Variants in MAGI2 observed in about 807,000 individuals in gnomAD.
MAGI2 encodes membrane-associated guanylate kinase, WW and PDZ domain-containing protein 2.
In MAGI2, 35 loss-of-function variants were observed where a neutral mutation model predicts 133.3. The ratio of observed to expected loss-of-function variants is 0.26; its 90% CI spans 0.20 to 0.35. The LOEUF is 0.35. MAGI2 is among the 10% of genes least tolerant of loss of function. The pLI is 1.00. For missense variants in MAGI2, 1,636 were observed against 1,863.4 expected, an observed-to-expected ratio of 0.88 and a Z score of 2.25; for synonymous variants, 729 against 710.6, an observed-to-expected ratio of 1.03 and a Z score of -0.41.
At chr7:78,746,979 A>G (rs1016397365) in intron 2 of MAGI2, among the ~76,000 whole-genome samples, 8 of 152,218 alleles carry the variant, frequency 5.3e-5, no homozygotes, top group African/African-American at 1.9e-4. Flanking sequence ...TTTAAAGACC[A>G]CTAATCAATT....
chr7:78,422,064 A>G (rs1197171196), intron 6 of MAGI2, among the ~76,000 whole-genome samples: 3 of 152,182 alleles, frequency 2.0e-5, no homozygotes, highest in African/African-American at 7.2e-5. Flanking sequence ...CTACACTTAC[A>G]ACTTGCCTCT....
At chr7:78,389,398 T>C (rs1562930317) in intron 6 of MAGI2, among the ~76,000 whole-genome samples, 1 of 152,168 alleles carries the variant, frequency 6.6e-6, no homozygotes, top group East Asian at 1.9e-4. Flanking sequence ...CTGTTTTCTG[T>C]CTTCTTCGTG....
At chr7:78,583,368 G>A in intron 3 of MAGI2, 2 of 189,880 alleles carry the variant, frequency 1.1e-5, no homozygotes, top group Non-Finnish European at 2.3e-5. Context: ...CGTGGTGGCG[G>A]GCGCCTGTGG....
intron 9 of MAGI2, among the ~76,000 whole-genome samples, chr7:78,274,998 A>C (rs138027766): frequency 7.7e-4 from 117 of 151,962 alleles, no homozygotes; most frequent in African/African-American, 2.6e-3. Flanking sequence ...GGTATGAAAA[A>C]AAAAACTCCT....
rs563897813 is a variant in MAGI2 at position 78,688,004 on chromosome 7, A to T, written c.419-60765T>A. 1.4e-3 allele frequency among the ~76,000 whole-genome samples: 215 copies of T among 150,332 alleles called. 1 individual carries two copies. The highest frequency in any genetic ancestry group is 5.0e-3 in the African/African-American group (204 of 41,008). On this transcript the variant is annotated intron_variant, in intron 2 of 21. Transcript: ENST00000354212. ...AAAAAAAAAAAAAAAAAAAAAAAGA[A>T]AAAAGAAAAGAAAAAAAGCAAACAG...
Position 78,767,150 on chromosome 7 carries a change from T to C in MAGI2, c.419-139911A>G, listed in dbSNP as rs934967020. ...GATTACAGGTGCGTGCCACCACACC[T>C]GGCTAATTGTTTTGTATTTTCAATA... is the stretch of plus-strand genomic sequence containing the variant. On this transcript the variant is annotated intron_variant, in intron 2 of 21. Coordinates refer to ENST00000354212, the MANE Select transcript of MAGI2 (RefSeq NM_012301.4). Among the ~76,000 whole-genome samples the C allele has an allele frequency of 4.6e-5, 7 of 151,958 alleles. No homozygotes were observed. The East Asian group carries it at 5.8e-4, about 13-fold the overall frequency.
chr7:79,255,105 A>G (rs577553525), intron 1 of MAGI2, among the ~76,000 whole-genome samples: 1 of 152,186 alleles, frequency 6.6e-6, no homozygotes, highest in African/African-American at 2.4e-5. Flanking sequence ...TATGCCTTTG[A>G]ACCTTCATTT....
At chr7:79,283,424 C>A (rs1008022355) in intron 1 of MAGI2, among the ~76,000 whole-genome samples, 3 of 152,112 alleles carry the variant, frequency 2.0e-5, no homozygotes, top group Non-Finnish European at 4.4e-5. Flanking sequence ...AACTACCTAA[C>A]AACCATTACT....
intron 9 of MAGI2, among the ~76,000 whole-genome samples, chr7:78,270,250 C>T (rs1394481649): frequency 2.6e-5 from 4 of 152,082 alleles, no homozygotes; most frequent in African/African-American, 9.7e-5. Context: ...GCTGTGAGGG[C>T]TCTTTTTTGA....
chr7:78,687,552 C>T (rs888653776), intron 2 of MAGI2, among the ~76,000 whole-genome samples: 4 of 152,108 alleles, frequency 2.6e-5, no homozygotes, highest in African/African-American at 9.7e-5. Context: ...GTACTTTGTC[C>T]AATGTGTAGC....
chr7:79,166,990 A>G (rs1034324076), intron 1 of MAGI2, among the ~76,000 whole-genome samples: 1 of 152,014 alleles, frequency 6.6e-6, no homozygotes, highest in Non-Finnish European at 1.5e-5. Flanking sequence ...AGGGGAAGGT[A>G]TACTACTCCT....
At chr7:78,413,131 T>TCCCTCACCCGTAA (rs1457692528) in intron 6 of MAGI2, among the ~76,000 whole-genome samples, 2 of 152,076 alleles carry the variant, frequency 1.3e-5, no homozygotes, top group African/African-American at 4.8e-5. Context: ...GGGTCTTAGT[T>TCCCTCACCCGTAA]CCCTCACCCG....
intron 1 of MAGI2, among the ~76,000 whole-genome samples, chr7:79,334,863 G>C (rs1285358402): frequency 6.6e-6 from 1 of 152,094 alleles, no homozygotes; most frequent in East Asian, 1.9e-4. Flanking sequence ...GATTATTCTT[G>C]AAAGCATAAT....
intron 1 of MAGI2, among the ~76,000 whole-genome samples, chr7:79,275,490 GTA>G (rs1212675328): frequency 1.7e-4 from 26 of 152,326 alleles, no homozygotes; most frequent in Middle Eastern, 3.4e-3. Context: ...GTTTAAGGAT[GTA>G]AACCATTTCA....
At chr7:78,317,836 C>T (rs932235339) in intron 9 of MAGI2, among the ~76,000 whole-genome samples, 3 of 152,158 alleles carry the variant, frequency 2.0e-5, no homozygotes, top group Admixed American at 2.0e-4. Flanking sequence ...GCTGGTGATA[C>T]CCAGGCAAAC....
At chr7:79,005,234 T>C (rs535942113) in intron 2 of MAGI2, among the ~76,000 whole-genome samples, 1 of 152,316 alleles carries the variant, frequency 6.6e-6, no homozygotes, top group Admixed American at 6.5e-5. Context: ...GTCAATAATG[T>C]TATTGGAATT....
At chr7:79,336,237 A>C (rs570793977) in intron 1 of MAGI2, among the ~76,000 whole-genome samples, 1 of 152,066 alleles carries the variant, frequency 6.6e-6, no homozygotes, top group Non-Finnish European at 1.5e-5. Flanking sequence ...AGGTGAACTG[A>C]GGTTCAGGGA....
intron 1 of MAGI2, among the ~76,000 whole-genome samples, chr7:79,436,267 A>G (rs1426417004): frequency 6.6e-6 from 1 of 151,750 alleles, no homozygotes; most frequent in Non-Finnish European, 1.5e-5. Flanking sequence ...GCTAATAAAT[A>G]TGCTTCTGGA....
At chr7:78,790,842 A>G (rs1219566053) in intron 2 of MAGI2, among the ~76,000 whole-genome samples, 1 of 152,234 alleles carries the variant, frequency 6.6e-6, no homozygotes, top group Non-Finnish European at 1.5e-5. Context: ...CGTAAGTGTC[A>G]TAGGTAAAAA....
Sources: gnomAD v4.1 joint callset for allele counts (sites outside exome capture counted in the v4.1 genomes callset) on GRCh38, gnomAD v4.1.1 for gene constraint, MANE v1.5 for transcripts, NCBI Gene and HGNC (gene_info 2026-07-23, HGNC 2026-07-21) for gene names.